ZNF804A: variants seen among roughly 807,000 people sequenced by gnomAD.
The protein encoded by ZNF804A is zinc finger protein 804A.
ZNF804A carries 2 observed loss-of-function variants against 16.5 expected under a neutral mutation model. The observed-to-expected ratio is 0.12, with a 90% confidence interval of 0.05 to 0.38. The LOEUF is 0.38. ZNF804A is among the 10% of genes least tolerant of loss of function. The probability of loss-of-function intolerance (pLI) is 0.99; values close to 1 mark genes in which losing one functional copy is unlikely to be tolerated. For missense variants in ZNF804A, 1,473 were observed against 1,390.7 expected (o/e 1.06, Z -0.94); for synonymous variants, 534 against 489.6 (o/e 1.09, Z -1.20).
chr2:184,759,304 T>C (rs1346655055), intron 1 of ZNF804A, among the ~76,000 whole-genome samples: 1 of 151,658 alleles, frequency 6.6e-6, no homozygotes, highest in Non-Finnish European at 1.5e-5. Context: ...GATTGAAATC[T>C]TACACAAAAA....
At chr2:184,833,934 A>G (rs1454580617) in intron 1 of ZNF804A, among the ~76,000 whole-genome samples, 4 of 152,164 alleles carry the variant, frequency 2.6e-5, no homozygotes, top group African/African-American at 7.2e-5. Context: ...TGAAAAGCAT[A>G]TGACTTCCTT....
At chr2:184,615,754 T>G (rs747849090) in intron 1 of ZNF804A, among the ~76,000 whole-genome samples, 2 of 152,176 alleles carry the variant, frequency 1.3e-5, no homozygotes, top group Non-Finnish European at 1.5e-5. Flanking sequence ...AAGTTAAGTT[T>G]AGCCACCTGA....
rs140191686 is a variant in ZNF804A at position 184,818,116 on chromosome 2, T to C, written c.112-48253T>C. On this transcript the variant is annotated intron_variant, in intron 1 of 3. Coordinates refer to ENST00000302277, the MANE Select transcript of ZNF804A (RefSeq NM_194250.2). ...CAAGACACATAATCTTCAGATTCTCTAACATTGAAATTAAAGACAAAATAT... is the reference window on the plus strand; with the variant it reads ...CAAGACACATAATCTTCAGATTCTCCAACATTGAAATTAAAGACAAAATAT... Among the ~76,000 whole-genome samples the C allele has an allele frequency of 2.1e-3, 325 of 151,898 alleles. 1 individual carries two copies. The highest frequency in any genetic ancestry group is 3.7e-3 in the Non-Finnish European group (254 of 67,882).
At chr2:184,603,695 G>C (rs1368164897) in intron 1 of ZNF804A, among the ~76,000 whole-genome samples, 1 of 152,158 alleles carries the variant, frequency 6.6e-6, no homozygotes, top group East Asian at 1.9e-4. Flanking sequence ...AGGGGTGAGG[G>C]TGGATTAGGG....
intron 1 of ZNF804A, among the ~76,000 whole-genome samples, chr2:184,728,569 C>A (rs1434873950): frequency 6.6e-6 from 1 of 151,876 alleles, no homozygotes; most frequent in Non-Finnish European, 1.5e-5. Flanking sequence ...TCCTTCTGGT[C>A]TGACAGACTG....
intron 1 of ZNF804A, among the ~76,000 whole-genome samples, chr2:184,761,632 C>T (rs533161936): frequency 6.6e-6 from 1 of 152,002 alleles, no homozygotes; most frequent in South Asian, 2.1e-4. Flanking sequence ...GACTTGGGGG[C>T]CAAGTAGGAA....
intron 2 of ZNF804A, among the ~76,000 whole-genome samples, chr2:184,924,144 A>C (rs755402990): frequency 6.6e-6 from 1 of 151,658 alleles, no homozygotes; most frequent in Non-Finnish European, 1.5e-5. Flanking sequence ...TCTGAGTAGG[A>C]TTGCTACTAG....
intron 1 of ZNF804A, among the ~76,000 whole-genome samples, chr2:184,795,637 G>T (rs764613732): frequency 6.6e-6 from 1 of 152,114 alleles, no homozygotes; most frequent in Non-Finnish European, 1.5e-5. Flanking sequence ...CAAAAAGCTG[G>T]TTCTTTGAAA....
chr2:184,741,421 G>C (rs1693707326), intron 1 of ZNF804A, among the ~76,000 whole-genome samples: 1 of 151,952 alleles, frequency 6.6e-6, no homozygotes, highest in Admixed American at 6.6e-5. Flanking sequence ...CTTTTTATTG[G>C]GGATTCATCA....
intron 1 of ZNF804A, among the ~76,000 whole-genome samples, chr2:184,641,376 A>T (rs1691793141): frequency 6.6e-6 from 1 of 152,216 alleles, no homozygotes; most frequent in Non-Finnish European, 1.5e-5. Context: ...ATCTATAATG[A>T]CAGAAAGCAG....
chr2:184,818,313 T>TGAAA (rs1695015296), intron 1 of ZNF804A, among the ~76,000 whole-genome samples: 1 of 151,892 alleles, frequency 6.6e-6, no homozygotes, highest in African/African-American at 2.4e-5. Context: ...AAACTAAGCT[T>TGAAA]CAGAAGTGAA....
At chr2:184,870,188 A>G (rs1353121438) in intron 2 of ZNF804A, among the ~76,000 whole-genome samples, 1 of 152,032 alleles carries the variant, frequency 6.6e-6, no homozygotes. Flanking sequence ...TTGAGATTTT[A>G]TATTTTATAT....
intron 2 of ZNF804A, among the ~76,000 whole-genome samples, chr2:184,926,530 G>C (rs1276912700): frequency 6.6e-6 from 1 of 151,796 alleles, no homozygotes; most frequent in East Asian, 1.9e-4. Context: ...CTTTTACTTG[G>C]ATATTGGTAA....
At chr2:184,844,299 A>G (rs1389447587) in intron 1 of ZNF804A, among the ~76,000 whole-genome samples, 2 of 152,084 alleles carry the variant, frequency 1.3e-5, no homozygotes, top group African/African-American at 4.8e-5. Flanking sequence ...TAAGATTCTG[A>G]AAAAATAAAA....
intron 1 of ZNF804A, among the ~76,000 whole-genome samples, chr2:184,775,091 T>A (rs1694266727): frequency 6.6e-6 from 1 of 151,804 alleles, no homozygotes; most frequent in South Asian, 2.1e-4. Flanking sequence ...AATATTTCTT[T>A]TTGACCTATT....
intron 1 of ZNF804A, among the ~76,000 whole-genome samples, chr2:184,634,972 A>T (rs940507243): frequency 6.6e-5 from 10 of 151,890 alleles, no homozygotes; most frequent in East Asian, 5.8e-4. Context: ...TTTTAAAAAA[A>T]TAAAAGCTGT....
chr2:184,883,359 G>T (rs1028780419), intron 2 of ZNF804A, among the ~76,000 whole-genome samples: 7 of 151,958 alleles, frequency 4.6e-5, no homozygotes, highest in Non-Finnish European at 8.8e-5. Context: ...AAGAAGAGCT[G>T]GTACCACTCC....
chr2:184,721,323 G>A (rs1448912695), intron 1 of ZNF804A, among the ~76,000 whole-genome samples: 1 of 152,020 alleles, frequency 6.6e-6, no homozygotes, highest in African/African-American at 2.4e-5. Flanking sequence ...TGTTAAATGG[G>A]AAAAATATGT....
intron 1 of ZNF804A, among the ~76,000 whole-genome samples, chr2:184,704,006 T>C (rs528609377): frequency 1.3e-5 from 2 of 152,222 alleles, no homozygotes; most frequent in Admixed American, 1.3e-4. Context: ...ATGCGAAAAG[T>C]TCTCTAAGGA....
Sources: allele counts gnomAD v4.1 joint callset (sites outside exome capture counted in the v4.1 genomes callset), GRCh38; gene constraint gnomAD v4.1.1; transcripts MANE v1.5; gene names NCBI Gene and HGNC (gene_info 2026-07-23, HGNC 2026-07-21).